The following DLGAP1 variants were observed in gnomAD, a reference collection of about 807,000 sequenced individuals.
The protein encoded by DLGAP1 is DLG associated protein 1, also known as disks large-associated protein 1.
DLGAP1 carries 11 observed loss-of-function variants against 90.8 expected under a neutral mutation model. That is an observed-to-expected ratio of 0.12 (90% CI 0.08 to 0.20). The LOEUF (loss-of-function observed/expected upper bound fraction) is 0.20, where lower values mean the gene tolerates loss of function less well. DLGAP1 is among the 10% of genes least tolerant of loss of function. DLGAP1 has a pLI of 1.00. For synonymous variants in DLGAP1, 558 were observed against 540.7 expected, an observed-to-expected ratio of 1.03 and a Z score of -0.44; for missense variants, 1,050 against 1,333.8, an observed-to-expected ratio of 0.79 and a Z score of 3.31.
intron 1 of DLGAP1, among the ~76,000 whole-genome samples, chr18:4,314,745 T>C (rs2080484295): frequency 6.6e-6 from 1 of 152,178 alleles, no homozygotes; most frequent in South Asian, 2.1e-4. Flanking sequence ...AGAGGGATTA[T>C]GACATAAAAT....
intron 1 of DLGAP1, among the ~76,000 whole-genome samples, chr18:4,188,943 T>C (rs2077347518): frequency 6.6e-6 from 1 of 152,214 alleles, no homozygotes; most frequent in Admixed American, 6.5e-5. Context: ...ACTGGAGATA[T>C]TTTTGAATGA....
intron 3 of DLGAP1, chr18:3,977,611 G>T (rs2073621906): frequency 9.2e-6 from 2 of 217,482 alleles, no homozygotes; most frequent in East Asian, 1.5e-4. Flanking sequence ...TCTTCCTCTT[G>T]TGCTCTCGCT....
rs1392523480 is a variant in DLGAP1 at position 3,583,172 on chromosome 18, A to ACCTTCCTT, written c.1592-925_1592-924insAAGGAAGG. 2.4e-3 allele frequency among the ~76,000 whole-genome samples: 305 copies of ACCTTCCTT among 124,766 alleles called. 2 individuals are homozygous for ACCTTCCTT. Among genetic ancestry groups the ACCTTCCTT allele is most frequent in the African/African-American group, 9.4e-3 (288 of 30,796 alleles). The allele number at this position is 124,766 out of a possible 152,430, so 81.9% of individuals were successfully genotyped here. On this transcript the variant is annotated intron_variant, in intron 7 of 12. Coordinates refer to ENST00000315677, the MANE Select transcript of DLGAP1 (RefSeq NM_004746.4). ...TACCTACCTACCTACCTACCTACCTACCTACCTACCTACCTTCCTTCCTTC... is the reference window on the plus strand; with the variant it reads ...TACCTACCTACCTACCTACCTACCTACCTTCCTTCCTACCTACCTACCTTCCTTCCTTC...
At chr18:3,511,912 G>A (rs1452110146) in intron 10 of DLGAP1, among the ~76,000 whole-genome samples, 1 of 152,180 alleles carries the variant, frequency 6.6e-6, no homozygotes, top group Non-Finnish European at 1.5e-5. Context: ...CTGGAAAGGT[G>A]ATCGCTAAGG....
intron 1 of DLGAP1, among the ~76,000 whole-genome samples, chr18:4,291,019 A>G (rs2079836434): frequency 6.6e-6 from 1 of 152,190 alleles, no homozygotes; most frequent in South Asian, 2.1e-4. Context: ...AAAGCATAGT[A>G]AGGGGAGGAA....
At chr18:4,433,584 G>C (rs1190799969) in intron 1 of DLGAP1, among the ~76,000 whole-genome samples, 1 of 152,272 alleles carries the variant, frequency 6.6e-6, no homozygotes, top group East Asian at 1.9e-4. Context: ...TGCAGACATA[G>C]CTGCCCTCAT....
At chr18:3,764,336 A>G (rs1401376929) in intron 5 of DLGAP1, among the ~76,000 whole-genome samples, 1 of 152,216 alleles carries the variant, frequency 6.6e-6, no homozygotes, top group Non-Finnish European at 1.5e-5. Flanking sequence ...GCAAATCAGT[A>G]ATCTCCTTTG....
intron 7 of DLGAP1, among the ~76,000 whole-genome samples, chr18:3,706,426 T>C (rs1044685630): frequency 1.2e-4 from 19 of 152,186 alleles, no homozygotes; most frequent in East Asian, 3.9e-4. Flanking sequence ...AGGAACAGCA[T>C]TGATGTGCTT....
Position 4,022,172 on chromosome 18 carries a change from CT to C in DLGAP1, c.-158-16972del, listed in dbSNP as rs1188323595. 4.6e-5 allele frequency among the ~76,000 whole-genome samples: 7 copies of C among 152,084 alleles called. No homozygotes were observed. The East Asian group carries it at 1.4e-3, about 29-fold the overall frequency. The stretch of plus-strand genomic sequence containing the variant: ...CCTCAACTTTTAAATGTTCAGAAAA[CT>C]TTTTTAAACATAGACTTTAGATAAG... On this transcript the variant is annotated intron_variant, in intron 2 of 12. Transcript: ENST00000315677.
At chr18:3,846,395 T>A (rs1466940934) in intron 4 of DLGAP1, among the ~76,000 whole-genome samples, 1 of 152,158 alleles carries the variant, frequency 6.6e-6, no homozygotes, top group Non-Finnish European at 1.5e-5. Flanking sequence ...ATTGGTTTGT[T>A]TCAAAGTGTT....
In DLGAP1 at chr18:3,814,073, T is replaced by C. The variant is rs2066972554; in HGVS notation, c.1158A>G (p.Glu386=). The part of the protein sequence containing the change: ...YLKATQPSLT[E]LTTLKISNEH... ...GGACTACTCACTTGAGTGTGGTGAG[T>C]TCTGTAAGGGATGGCTGAGTAGCCT... is the stretch of plus-strand genomic sequence containing the variant. The change falls in exon 5 of 13, where the codon GAA becomes GAG. Residue 386 remains glutamate, a synonymous_variant. Transcript: ENST00000315677. 1 of 1,613,946 alleles carries C rather than the reference T, an allele frequency of 6.2e-7. No homozygotes were observed. Among genetic ancestry groups the C allele is most frequent in the African/African-American group, 1.3e-5 (1 of 75,002 alleles).
chr18:3,772,558 G>A (rs920335391), intron 5 of DLGAP1, among the ~76,000 whole-genome samples: 12 of 149,254 alleles, frequency 8.0e-5, no homozygotes, highest in East Asian at 2.0e-4. Context: ...GCTGCCTGTC[G>A]TCTTTTAATA....
chr18:3,657,820 G>T (rs759446318), intron 7 of DLGAP1, among the ~76,000 whole-genome samples: 1 of 151,814 alleles, frequency 6.6e-6, no homozygotes, highest in African/African-American at 2.4e-5. Flanking sequence ...TAGCCAGGAT[G>T]GTCTCGATCT....
At chr18:4,131,335 T>C (rs929280795) in intron 2 of DLGAP1, among the ~76,000 whole-genome samples, 4 of 152,064 alleles carry the variant, frequency 2.6e-5, no homozygotes, top group Non-Finnish European at 4.4e-5. Flanking sequence ...ACATGACAAA[T>C]GGAATAAGAA....
At chr18:4,178,237 AC>A in intron 1 of DLGAP1, among the ~76,000 whole-genome samples, 1 of 151,222 alleles carries the variant, frequency 6.6e-6, no homozygotes, top group Non-Finnish European at 1.5e-5. Context: ...ACACACACAC[AC>A]ACACACACAC....
intron 5 of DLGAP1, among the ~76,000 whole-genome samples, chr18:3,794,462 G>T (rs2065887414): frequency 6.6e-6 from 1 of 152,126 alleles, no homozygotes; most frequent in Non-Finnish European, 1.5e-5. Flanking sequence ...TGTTGAACTT[G>T]ACTATAGCAA....
At chr18:4,452,122 T>C (rs1201781753) in intron 1 of DLGAP1, among the ~76,000 whole-genome samples, 1 of 152,166 alleles carries the variant, frequency 6.6e-6, no homozygotes, top group Non-Finnish European at 1.5e-5. Flanking sequence ...TAGATTTTAA[T>C]TGGATGCTTC....
At position 4,340,069 on chromosome 18, in the gene DLGAP1, C is replaced by T. The variant is rs118124740; in HGVS notation, c.-267+114937G>A. 4.6e-5 allele frequency among the ~76,000 whole-genome samples: 7 copies of T among 152,264 alleles called. No individual in the cohort carries two copies. The East Asian group carries it at 1.3e-3, about 29-fold the overall frequency. On this transcript the variant is annotated intron_variant, in intron 1 of 12. Coordinates refer to ENST00000315677, the MANE Select transcript of DLGAP1 (RefSeq NM_004746.4). ...CACATATAGTACTAAACCCTATATA[C>T]ACAATGTTTTTCCTATGCATACATA...
chr18:3,569,622 G>A (rs502073), intron 8 of DLGAP1, among the ~76,000 whole-genome samples: 84,728 of 151,494 alleles, frequency 0.56, 24,972 homozygotes, highest in East Asian at 0.99. Context: ...TCTTTTTTTC[G>A]TATTTAATTC....
Sources: gnomAD v4.1 joint callset for allele counts (sites outside exome capture counted in the v4.1 genomes callset) on GRCh38, gnomAD v4.1.1 for gene constraint, MANE v1.5 for transcripts, NCBI Gene and HGNC (gene_info 2026-07-23, HGNC 2026-07-21) for gene names.